RBFOX1: variants seen among roughly 807,000 people sequenced by gnomAD.
RBFOX1 encodes RNA binding protein fox-1 homolog 1.
RBFOX1 carries 8 observed loss-of-function variants against 57.7 expected under a neutral mutation model. The observed-to-expected ratio is 0.14, with a 90% CI of 0.08 to 0.25. RBFOX1 has a LOEUF of 0.25. RBFOX1 is among the 10% of genes least tolerant of loss of function. RBFOX1 has a pLI of 1.00. For missense variants in RBFOX1, 611 were observed against 548.5 expected (o/e 1.11, Z -1.14); for synonymous variants, 326 against 222.4 (o/e 1.47, Z -4.15).
At chr16:7,348,793 T>G (rs1425999302) in intron 4 of RBFOX1, among the ~76,000 whole-genome samples, 3 of 152,034 alleles carry the variant, frequency 2.0e-5, no homozygotes, top group Non-Finnish European at 4.4e-5. Flanking sequence ...AATGCCAAAA[T>G]TAGCCAGGGG....
chr16:6,655,515 C>T (rs1474352013), intron 3 of RBFOX1, among the ~76,000 whole-genome samples: 2 of 151,802 alleles, frequency 1.3e-5, no homozygotes, highest in Admixed American at 6.6e-5. Context: ...TATTTAGAGT[C>T]CCCTCACCCA....
intron 2 of RBFOX1, among the ~76,000 whole-genome samples, chr16:5,480,302 G>A (rs531273082): frequency 1.3e-5 from 2 of 152,018 alleles, no homozygotes; most frequent in East Asian, 3.9e-4. Context: ...TCCCAAAGAG[G>A]ATGAGATAAA....
Position 5,421,429 on chromosome 16 carries a change from T to C in RBFOX1, c.220-45787T>C, listed in dbSNP as rs922903878. On this transcript the variant is annotated intron_variant, in intron 1 of 2. Transcript: ENST00000585867. ...ACCTCTGCTGAGCCAAATGGCAGCTTGGCCTTGGGGGTGTCCACGTGCAAG... is the reference window on the plus strand; with the variant it reads ...ACCTCTGCTGAGCCAAATGGCAGCTCGGCCTTGGGGGTGTCCACGTGCAAG... Among the ~76,000 whole-genome samples, 10 of 152,338 alleles carry C rather than the reference T, an allele frequency of 6.6e-5. No individual in the cohort carries two copies. The South Asian group carries it at 1.2e-3, about 19-fold the overall frequency.
At chr16:7,662,185 T>A (rs959292835) in intron 12 of RBFOX1, among the ~76,000 whole-genome samples, 1 of 152,216 alleles carries the variant, frequency 6.6e-6, no homozygotes, top group African/African-American at 2.4e-5. Flanking sequence ...CAGAGACAGA[T>A]GAGGTTCCAC....
At chr16:7,565,021 T>A (rs2091335505) in intron 5 of RBFOX1, among the ~76,000 whole-genome samples, 1 of 152,164 alleles carries the variant, frequency 6.6e-6, no homozygotes, top group South Asian at 2.1e-4. Flanking sequence ...GCTGTGTGAT[T>A]AACTTATTTG....
chr16:5,967,144 C>G (rs1175050066), intron 4 of RBFOX1, among the ~76,000 whole-genome samples: 1 of 152,090 alleles, frequency 6.6e-6, no homozygotes, highest in Non-Finnish European at 1.5e-5. Flanking sequence ...GCAACAGAGA[C>G]CATCTGGCCC....
At chr16:6,095,100 C>A (rs1266242386) in intron 1 of RBFOX1, among the ~76,000 whole-genome samples, 1 of 152,148 alleles carries the variant, frequency 6.6e-6, no homozygotes, top group Non-Finnish European at 1.5e-5. Flanking sequence ...ACATGAAACC[C>A]AGTGGATTCC....
At chr16:7,166,871 G>T (rs115803486) in intron 4 of RBFOX1, among the ~76,000 whole-genome samples, 1 of 151,306 alleles carries the variant, frequency 6.6e-6, no homozygotes, top group East Asian at 1.9e-4. Flanking sequence ...CCACGCTGGG[G>T]ACTGCACAGA....
At chr16:5,852,421 G>A (rs900333282) in intron 3 of RBFOX1, among the ~76,000 whole-genome samples, 15 of 152,336 alleles carry the variant, frequency 9.8e-5, no homozygotes, top group African/African-American at 3.4e-4. Context: ...TGCTATGGGA[G>A]GCTCTGAATG....
intron 2 of RBFOX1, among the ~76,000 whole-genome samples, chr16:6,510,755 C>G (rs2096239286): frequency 6.6e-6 from 1 of 150,844 alleles, no homozygotes; most frequent in African/African-American, 2.5e-5. Flanking sequence ...TTGTCCCAAA[C>G]TATTAAAAAA....
At chr16:6,295,783 C>T (rs2078033452) in intron 1 of RBFOX1, among the ~76,000 whole-genome samples, 1 of 152,114 alleles carries the variant, frequency 6.6e-6, no homozygotes, top group Admixed American at 6.5e-5. Flanking sequence ...CGTGCAGAGC[C>T]CGCTGTTCAC....
At chr16:7,196,434 C>G (rs937927586) in intron 4 of RBFOX1, among the ~76,000 whole-genome samples, 37 of 152,292 alleles carry the variant, frequency 2.4e-4, no homozygotes, top group Admixed American at 2.3e-3. Flanking sequence ...ATCTTTCATT[C>G]AGACCATTGC....
In RBFOX1 at chr16:7,002,053, C is replaced by A. The variant is rs575785847; in HGVS notation, c.-15-50004C>A. On this transcript the variant is annotated intron_variant, in intron 3 of 15. Coordinates refer to ENST00000550418, the MANE Select transcript of RBFOX1 (RefSeq NM_018723.4). ...AGGGATGGGCATGTGATCAGGTGGA[C>A]CACCGAGAGATTCCTGGGGGACTTT... Among the ~76,000 whole-genome samples, 10 of 152,230 alleles carry A rather than the reference C, an allele frequency of 6.6e-5. No individual in the cohort carries two copies. In the South Asian group the frequency reaches 2.1e-3, roughly 32 times the overall value.
At chr16:6,837,701 G>T (rs548081480) in intron 3 of RBFOX1, among the ~76,000 whole-genome samples, 5 of 152,320 alleles carry the variant, frequency 3.3e-5, no homozygotes, top group Admixed American at 2.0e-4. Context: ...GCTAATCACT[G>T]TGGGCATTGT....
chr16:5,338,086 A>G (rs1301840001), intron 1 of RBFOX1, among the ~76,000 whole-genome samples: 2 of 152,174 alleles, frequency 1.3e-5, no homozygotes, highest in Admixed American at 1.3e-4. Context: ...TTCTAGGGAT[A>G]GAGGGTGATC....
rs2083550908 is a variant in RBFOX1, at chr16:6,794,395, T to G, written c.-16+139745T>G. Among the ~76,000 whole-genome samples, 3 of 149,574 alleles carry G rather than the reference T, an allele frequency of 2.0e-5. No homozygotes were observed. The South Asian group carries it at 6.4e-4, about 32-fold the overall frequency. The stretch of plus-strand genomic sequence containing the variant: ...CTTAACTACACTCTTTGAAAAAAAA[T>G]GGGGTTTAATTACCTGCTGCTTTTC... On this transcript the variant is annotated intron_variant, in intron 3 of 15. Transcript: ENST00000550418.
At chr16:7,333,235 A>G (rs529208747) in intron 4 of RBFOX1, 2 of 704,234 alleles carry the variant, frequency 2.8e-6, no homozygotes, top group African/African-American at 1.8e-5. Flanking sequence ...AATCAAAAAG[A>G]TGGATCACCC....
intron 1 of RBFOX1, among the ~76,000 whole-genome samples, chr16:6,139,987 G>C (rs1037628425): frequency 1.3e-5 from 2 of 152,142 alleles, no homozygotes; most frequent in African/African-American, 4.8e-5. Context: ...TCAAGATTCA[G>C]CTGGAAAAAA....
At chr16:6,952,547 A>G (rs1284493664) in intron 3 of RBFOX1, among the ~76,000 whole-genome samples, 1 of 152,016 alleles carries the variant, frequency 6.6e-6, no homozygotes, top group Non-Finnish European at 1.5e-5. Flanking sequence ...CTGAGGTAGG[A>G]GAATCACTTA....
Sources: allele counts gnomAD v4.1 joint callset (sites outside exome capture counted in the v4.1 genomes callset), GRCh38; gene constraint gnomAD v4.1.1; transcripts MANE v1.5; gene names NCBI Gene and HGNC (gene_info 2026-07-23, HGNC 2026-07-21).